The following NAALADL2 variants were observed in gnomAD, a reference collection of about 807,000 sequenced individuals.
NAALADL2 encodes inactive N-acetylated-alpha-linked acidic dipeptidase-like protein 2.
NAALADL2 carries 76 observed loss-of-function variants against 87.2 expected under a neutral mutation model. That is an observed-to-expected ratio of 0.87 (90% CI 0.72 to 1.05). The LOEUF is 1.05. Among genes scored for constraint, NAALADL2 ranks in the 50% least tolerant of loss-of-function variants. The pLI, the probability that NAALADL2 is intolerant of heterozygous loss-of-function variation, is 0.00. For synonymous variants in NAALADL2, 354 were observed against 331.0 expected (o/e 1.07, Z -0.75); for missense variants, 1,089 against 945.8 (o/e 1.15, Z -1.99).
At chr3:175,033,527 T>G (rs981445701) in intron 1 of NAALADL2, among the ~76,000 whole-genome samples, 9 of 152,154 alleles carry the variant, frequency 5.9e-5, no homozygotes, top group African/African-American at 2.2e-4. Context: ...GTGAAATTCC[T>G]TTTGTCAAGG....
chr3:175,209,358 A>T (rs1741429559), intron 2 of NAALADL2, among the ~76,000 whole-genome samples: 2 of 152,100 alleles, frequency 1.3e-5, no homozygotes, highest in South Asian at 4.1e-4. Flanking sequence ...CAAACTAGTC[A>T]GGGAGAAGTA....
intron 1 of NAALADL2, among the ~76,000 whole-genome samples, chr3:175,088,062 A>G (rs1162795408): frequency 6.6e-6 from 1 of 152,112 alleles, no homozygotes; most frequent in Non-Finnish European, 1.5e-5. Flanking sequence ...CACTTAAACT[A>G]TTTTTTAGAT....
chr3:175,008,674 G>A (rs1490838159), intron 1 of NAALADL2, among the ~76,000 whole-genome samples: 2 of 152,028 alleles, frequency 1.3e-5, no homozygotes, highest in Non-Finnish European at 2.9e-5. Flanking sequence ...TCAATTTTGA[G>A]GAACTTGACC....
intron 3 of NAALADL2, among the ~76,000 whole-genome samples, chr3:174,845,650 G>C (rs1724540208): frequency 6.6e-6 from 1 of 152,202 alleles, no homozygotes; most frequent in African/African-American, 2.4e-5. Context: ...TATTTTGATG[G>C]GGCAAGGCCT....
At chr3:174,650,348 A>G (rs1277884436) in intron 2 of NAALADL2, among the ~76,000 whole-genome samples, 1 of 152,116 alleles carries the variant, frequency 6.6e-6, no homozygotes, top group African/African-American at 2.4e-5. Flanking sequence ...CCATATATCC[A>G]TTTCTTTTCT....
chr3:175,390,123 A>G (rs1475489812), intron 5 of NAALADL2, among the ~76,000 whole-genome samples: 1 of 147,734 alleles, frequency 6.8e-6, no homozygotes, highest in Non-Finnish European at 1.5e-5. Context: ...CTTCCACTGT[A>G]AAAAAAAAAT....
At chr3:174,534,076 T>G (rs1721493811) in intron 1 of NAALADL2, among the ~76,000 whole-genome samples, 1 of 152,198 alleles carries the variant, frequency 6.6e-6, no homozygotes, top group African/African-American at 2.4e-5. Flanking sequence ...GCACATTATG[T>G]GTATATAAAA....
chr3:175,067,197 G>C (rs1256146007), intron 1 of NAALADL2, among the ~76,000 whole-genome samples: 7 of 152,090 alleles, frequency 4.6e-5, no homozygotes, highest in African/African-American at 1.2e-4. Context: ...AAGAATTTAT[G>C]ACTAAGTTCT....
rs568132487 is a variant in NAALADL2, at chr3:175,788,773, A to G, written c.2190-14232A>G. On this transcript the variant is annotated intron_variant, in intron 13 of 13. Coordinates refer to ENST00000454872, the MANE Select transcript of NAALADL2 (RefSeq NM_207015.3). ...ATATTTCTTAGAAAACAATGTTGAA[A>G]TCTTACTCAAATAATTATATGAAGG... Among the ~76,000 whole-genome samples, 13 of 152,146 alleles carry G rather than the reference A, an allele frequency of 8.5e-5. No individual in the cohort carries two copies. The East Asian group carries it at 1.7e-3, about 20-fold the overall frequency.
chr3:175,407,449 C>T (rs1369223759), intron 5 of NAALADL2, among the ~76,000 whole-genome samples: 1 of 152,128 alleles, frequency 6.6e-6, no homozygotes, highest in Admixed American at 6.6e-5. Flanking sequence ...GCAAAGCACT[C>T]TATATGTTTT....
In NAALADL2 at chr3:175,466,992, A is replaced by G. The variant is rs773594162; in HGVS notation, c.1341A>G (p.Ile447Met). The change falls in exon 8 of 14, where the codon ATA becomes ATG. Residue 447 changes from isoleucine (I) to methionine (M), a missense_variant. By Grantham distance (10) the Ile-to-Met change is conservative (BLOSUM62 1). Transcript: ENST00000454872. ...MGLTSPDRYI[I>M]VGSHHHTAHS... Reference sequence around the variant, plus strand: ...TTCTATTTTCAGACCGGTATATCATAGTTGGCAGCCATCATCACACTGCAC... The same window carrying G: ...TTCTATTTTCAGACCGGTATATCATGGTTGGCAGCCATCATCACACTGCAC... 1 of 1,613,070 alleles carries G rather than the reference A, an allele frequency of 6.2e-7. No individual in the cohort carries two copies. Among genetic ancestry groups the G allele is most frequent in the Non-Finnish European group, 8.5e-7 (1 of 1,179,096 alleles).
chr3:175,004,608 C>T (rs746287161), intron 1 of NAALADL2, among the ~76,000 whole-genome samples: 12 of 151,694 alleles, frequency 7.9e-5, no homozygotes, highest in African/African-American at 2.2e-4. Context: ...AATTGCTTAT[C>T]GGTAGTATAT....
intron 11 of NAALADL2, among the ~76,000 whole-genome samples, chr3:175,651,306 A>G (rs553314532): frequency 5.3e-4 from 80 of 152,324 alleles, no homozygotes; most frequent in African/African-American, 1.9e-3. Flanking sequence ...CAAGGGTATT[A>G]TAAGAAGGCA....
chr3:175,274,587 A>T (rs2110036863), intron 4 of NAALADL2, among the ~76,000 whole-genome samples: 1 of 152,288 alleles, frequency 6.6e-6, no homozygotes, highest in South Asian at 2.1e-4. Context: ...AACCAGTGAG[A>T]AAAGGGAACC....
chr3:174,922,839 G>T (rs1472177593), intron 1 of NAALADL2, among the ~76,000 whole-genome samples: 6 of 152,132 alleles, frequency 3.9e-5, no homozygotes, highest in Non-Finnish European at 8.8e-5. Context: ...AGACATATTA[G>T]TATTTCTTAT....
At chr3:175,374,241 T>C (rs1437277975) in intron 5 of NAALADL2, among the ~76,000 whole-genome samples, 2 of 152,068 alleles carry the variant, frequency 1.3e-5, no homozygotes, top group East Asian at 3.9e-4. Context: ...ATACGTTTTC[T>C]TATTTTTTCT....
At chr3:175,281,536 A>G (rs1320781032) in intron 4 of NAALADL2, among the ~76,000 whole-genome samples, 1 of 151,990 alleles carries the variant, frequency 6.6e-6, no homozygotes, top group Non-Finnish European at 1.5e-5. Context: ...TCAGTAAGAC[A>G]GTATATATAC....
At chr3:175,504,608 TCTCTCTCTCTCTCA>T (rs1157732118) in intron 9 of NAALADL2, among the ~76,000 whole-genome samples, 5 of 90,632 alleles carry the variant, frequency 5.5e-5, no homozygotes, top group African/African-American at 2.2e-4. Flanking sequence ...TCTCTCTCTC[TCTCTCTCTCTCTCA>T]GACACAGTGA....
chr3:174,931,652 G>T (rs550862653), intron 1 of NAALADL2, among the ~76,000 whole-genome samples: 1 of 152,244 alleles, frequency 6.6e-6, no homozygotes, highest in African/African-American at 2.4e-5. Context: ...ATCTCTTCAA[G>T]GGTAGATAAG....
Sources: allele counts gnomAD v4.1 joint callset (sites outside exome capture counted in the v4.1 genomes callset), GRCh38; gene constraint gnomAD v4.1.1; transcripts MANE v1.5; gene names NCBI Gene and HGNC (gene_info 2026-07-23, HGNC 2026-07-21).